COL9A3: variants seen among roughly 807,000 people sequenced by gnomAD.
COL9A3 encodes the protein collagen type IX alpha 3 chain.
A neutral mutation model predicts 110.2 loss-of-function variants in COL9A3; 82 were observed. That is an observed-to-expected ratio of 0.74 (90% CI 0.62 to 0.89). COL9A3 has a LOEUF of 0.89. Ranked by LOEUF, COL9A3 falls within the 40% of genes least tolerant of loss-of-function variation. The pLI is 0.00. For missense variants in COL9A3, 1,066 were observed against 981.3 expected, an observed-to-expected ratio of 1.09 and a Z score of -1.15; for synonymous variants, 494 against 403.8, an observed-to-expected ratio of 1.22 and a Z score of -2.68.
At chr20:62,826,393 G>A in intron 14 of COL9A3, 136 bp downstream of exon 14, 1 of 853,354 alleles carries the variant, frequency 1.2e-6, no homozygotes, top group Non-Finnish European at 1.8e-6. Context: ...CGCCACTGTG[G>A]CGCAGGCCTT....
At chr20:62,838,529 T>C (rs549797322) in intron 30 of COL9A3, among the ~76,000 whole-genome samples, 155 bp from the exon 31 acceptor site, 3 of 152,230 alleles carry the variant, frequency 2.0e-5, no homozygotes, top group Non-Finnish European at 4.4e-5. Flanking sequence ...TCGGACCCCG[T>C]CAAGCCCTAC....
chr20:62,830,552 A>T lies in COL9A3; in HGVS notation c.1251A>T (p.Pro417=). 6.2e-7 allele frequency: 1 copy of T among 1,607,378 alleles called. No homozygotes were observed. The highest frequency in any genetic ancestry group is 8.5e-7 in the Non-Finnish European group (1 of 1,178,054). Residue 417 remains proline, a synonymous_variant, in exon 24 of 32, where the codon CCA becomes CCT. Transcript: ENST00000649368. ...GCAGCATGGGAGACCCCGGCCTTCCAGGCCCCCAGGGCCTCCGAGGTGACG... is the reference window on the plus strand; with the variant it reads ...GCAGCATGGGAGACCCCGGCCTTCCTGGCCCCCAGGGCCTCCGAGGTGACG... The part of the protein sequence containing the change: ...QKGSMGDPGL[P]GPQGLRGDVG...
intron 25 of COL9A3, among the ~76,000 whole-genome samples, chr20:62,832,673 C>CAT (rs2063605533): frequency 1.7e-5 from 2 of 116,678 alleles, no homozygotes; most frequent in South Asian, 2.9e-4. Context: ...GGGCCATGGC[C>CAT]GTGGCTGCCC....
At chr20:62,829,844 G>A in intron 22 of COL9A3, 25 bp downstream of exon 22, 2 of 1,548,702 alleles carry the variant, frequency 1.3e-6, no homozygotes, top group Non-Finnish European at 1.7e-6. Context: ...ATGGCCCGGG[G>A]TCGGGGGTTA....
chr20:62,826,057 C>T, intron 13 of COL9A3, 147 bp from the exon 14 acceptor site: 1 of 1,072,032 alleles, frequency 9.3e-7, no homozygotes, highest in Non-Finnish European at 1.4e-6. Context: ...AAGGCTGGTG[C>T]CCCCTCCCTC....
chr20:62,826,227 GC>G lies in COL9A3; in HGVS notation c.710del (p.Pro237GlnfsTer296). The G allele has an allele frequency of 6.4e-7, 1 of 1,561,798 alleles. No individual in the cohort carries two copies. Among genetic ancestry groups the G allele is most frequent in the Non-Finnish European group, 8.7e-7 (1 of 1,153,808 alleles). On this transcript the variant is annotated frameshift_variant, in exon 14 of 32. Transcript: ENST00000649368. LOFTEE classifies it high-confidence loss of function. The part of the protein sequence containing the change: ...LQGPRGLRGL[P>X]GPLGPPGDRG... Reference sequence around the variant, plus strand: ...AGGGCCCCCGGGGATTACGAGGACTGCCAGGGCCACTCGGGCCCCCTGGGGA... The same window carrying G: ...AGGGCCCCCGGGGATTACGAGGACTGCAGGGCCACTCGGGCCCCCTGGGGA...
chr20:62,827,899 T>C (rs756300491), intron 16 of COL9A3, 24 bp from the exon 17 acceptor site: 9 of 1,612,540 alleles, frequency 5.6e-6, no homozygotes, highest in Non-Finnish European at 7.6e-6. Context: ...CTGCCACTGC[T>C]TCTGTCACTT....
intron 12 of COL9A3, chr20:62,825,613 C>G: frequency 1.6e-6 from 1 of 633,530 alleles, no homozygotes; most frequent in Non-Finnish European, 2.9e-6. Flanking sequence ...ACCACGGACC[C>G]CGGCCCGGCA....
Position 62,822,183 on chromosome 20 carries a change from C to T in COL9A3, c.477+19C>T, listed in dbSNP as rs1476941768. 1.3e-6 allele frequency: 2 copies of T among 1,501,550 alleles called. No individual in the cohort carries two copies. The highest frequency in any genetic ancestry group is 1.1e-5 in the South Asian group (1 of 88,892). The allele number at this position is 1,501,550 out of a possible 1,614,324, so 93.0% of individuals were successfully genotyped here. A position where few individuals can be genotyped will look rare whatever the true frequency, so the allele number is the denominator to read the frequency against. ...ACCCCCTGTAAGTACTGGGCAGAGG[C>T]TCTAAGAAGTGCTGGGCATGGACTA... On this transcript the variant is annotated intron_variant, in intron 9 of 31. Coordinates refer to ENST00000649368, the MANE Select transcript of COL9A3 (RefSeq NM_001853.4).
chr20:62,819,204 C>T lies in COL9A3; in HGVS notation c.184-18C>T, dbSNP rs1200220307. The T allele has an allele frequency of 5.0e-6, 8 of 1,611,786 alleles. No individual in the cohort carries two copies. The highest frequency in any genetic ancestry group is 1.7e-5 in the Admixed American group (1 of 59,980). On this transcript the variant is annotated intron_variant, in intron 3 of 31. Transcript: ENST00000649368. ...GCCAGACCCCGCCTTCACATCTCTG[C>T]CCTTTCCTCCTGCACAGGGACCAAA...
rs932899058 is a variant in COL9A3, at chr20:62,817,635, C to T, written c.147C>T (p.Asp49=). ...GGAAGCCCGGCCAGGACGGCATTGA[C>T]GTGAGTTTGGGGGTGGGGAGGGCCC... The part of the protein sequence containing the change: ...PPGKPGQDGI[D]GEAGPPGLPG... Residue 49 remains aspartate, a splice_region_variant and synonymous_variant, in exon 2 of 32, where the codon GAC becomes GAT. Transcript: ENST00000649368. The T allele has an allele frequency of 1.3e-6, 2 of 1,537,582 alleles. No homozygotes were observed. The highest frequency in any genetic ancestry group is 1.8e-6 in the Non-Finnish European group (2 of 1,139,644).
At chr20:62,827,628 G>C (rs1456530720) in intron 16 of COL9A3, among the ~76,000 whole-genome samples, 1 of 152,236 alleles carries the variant, frequency 6.6e-6, no homozygotes, top group Non-Finnish European at 1.5e-5. Flanking sequence ...TCCAGAGGCA[G>C]CCAAGCGTTC....
rs1161229624 is a variant in COL9A3, at chr20:62,833,051, A to T, written c.1355A>T (p.Asp452Val). The change falls in exon 26 of 32, where the codon GAT becomes GTT. Residue 452 changes from aspartate (D) to valine (V), a missense_variant. By Grantham distance (152) the Asp-to-Val change is radical (BLOSUM62 -3). Transcript: ENST00000649368. ...GIAGSDGLPGDKGELGPSGLV... is the reference protein window; with the variant it reads ...GIAGSDGLPGVKGELGPSGLV... ...GCAGGTTCCGACGGTCTTCCTGGGG[A>T]TAAAGGAGAACTGGTGAGTAATTAG... 6.2e-7 allele frequency: 1 copy of T among 1,613,596 alleles called. No homozygotes were observed. Among genetic ancestry groups the T allele is most frequent in the East Asian group, 2.2e-5 (1 of 44,864 alleles).
chr20:62,836,416 G>C, intron 28 of COL9A3, 62 bp from the exon 29 acceptor site: 1 of 1,613,722 alleles, frequency 6.2e-7, no homozygotes, highest in African/African-American at 1.3e-5. Flanking sequence ...GCGGGGTGAC[G>C]GTGGGAATGC....
chr20:62,840,057 C>G (rs1023686880), intron 31 of COL9A3, among the ~76,000 whole-genome samples: 2 of 151,662 alleles, frequency 1.3e-5, no homozygotes, highest in African/African-American at 4.9e-5. Context: ...CATGCCCGCA[C>G]CATGCCCACA....
In COL9A3 at chr20:62,840,770, A is replaced by G; in HGVS notation, c.*38A>G. ...GGAAGCAAGTGACAAGGACGCCCGA[A>G]GCACAGTGGACGGTCATGAAGGAGC... On this transcript the variant is annotated 3_prime_UTR_variant, in exon 32 of 32. Coordinates refer to ENST00000649368, the MANE Select transcript of COL9A3 (RefSeq NM_001853.4). 6.5e-7 allele frequency: 1 copy of G among 1,550,144 alleles called. No individual in the cohort carries two copies. Among genetic ancestry groups the G allele is most frequent in the South Asian group, 1.2e-5 (1 of 84,064 alleles).
intron 10 of COL9A3, among the ~76,000 whole-genome samples, chr20:62,822,895 A>C (rs1346696425): frequency 6.6e-6 from 1 of 152,198 alleles, no homozygotes; most frequent in African/African-American, 2.4e-5. Flanking sequence ...GGAGCTGTAC[A>C]AATGTAATGA....
chr20:62,820,174 C>T (rs1991073464), intron 5 of COL9A3, among the ~76,000 whole-genome samples, 192 bp downstream of exon 5: 1 of 151,964 alleles, frequency 6.6e-6, no homozygotes. Flanking sequence ...CCCTGCCTCA[C>T]CTCCACGTAT....
chr20:62,840,438 A>G, intron 31 of COL9A3, 104 bp from the exon 32 acceptor site: 1 of 1,090,358 alleles, frequency 9.2e-7, no homozygotes, highest in Non-Finnish European at 1.4e-6. Context: ...CCCCAAGTGA[A>G]GAGTGAGCAG....
Sources: gnomAD v4.1 joint callset for allele counts (sites outside exome capture counted in the v4.1 genomes callset) on GRCh38, gnomAD v4.1.1 for gene constraint, MANE v1.5 for transcripts, NCBI Gene and HGNC (gene_info 2026-07-23, HGNC 2026-07-21) for gene names.